The following CBR4 variants were observed in gnomAD, a reference collection of about 807,000 sequenced individuals.
The protein encoded by CBR4 is carbonyl reductase 4.
Under a neutral mutation model 21.0 loss-of-function variants are expected in CBR4, and 22 were observed. That is an observed-to-expected ratio of 1.05 (90% CI 0.75 to 1.50). CBR4 has a LOEUF of 1.50. Among genes scored for constraint, CBR4 ranks in the 40% most tolerant of loss-of-function variants. The probability of loss-of-function intolerance (pLI) is 0.00; values close to 1 mark genes in which losing one functional copy is unlikely to be tolerated. For synonymous variants in CBR4, 100 were observed against 104.4 expected (o/e 0.96, Z 0.26); for missense variants, 302 against 286.3 (o/e 1.05, Z -0.40).
At chr4:168,946,071 TCCTATA>T (rs1763389208) in intron 2 of CBR4, among the ~76,000 whole-genome samples, 1 of 152,196 alleles carries the variant, frequency 6.6e-6, no homozygotes, top group Non-Finnish European at 1.5e-5. Flanking sequence ...TCTCATCCTC[TCCTATA>T]CCTTGCATAG....
intron 2 of CBR4, among the ~76,000 whole-genome samples, chr4:168,939,015 T>C (rs559225680): frequency 6.6e-6 from 1 of 152,128 alleles, no homozygotes; most frequent in African/African-American, 2.4e-5. Flanking sequence ...TTCAGGCCGA[T>C]ATCCCTGATG....
At position 168,898,509 on chromosome 4, in the gene CBR4, G is replaced by C. The variant is rs763802548; in HGVS notation, n.170-3744C>G. 1.4e-5 allele frequency: 22 copies of C among 1,611,480 alleles called. No homozygotes were observed. In the East Asian group the frequency reaches 4.7e-4, roughly 34 times the overall value. ...TTGATTCAGGAATACAAAGTCTCCA[G>C]CTGTGAACAGAGACTCATCAGTGAA... On this transcript the variant is annotated intron_variant and non_coding_transcript_variant, in intron 2 of 3. Transcript: ENST00000509108.
In CBR4 at chr4:168,991,788, T is replaced by G. The variant is rs544638529; in HGVS notation, c.536-1460A>C. ...TGGGTTTTTAAAAAGAAAGCAATAT[T>G]AATCCTCATGAAAAGAATAGAAAAA... On this transcript the variant is annotated intron_variant, in intron 4 of 4. Transcript: ENST00000306193. Among the ~76,000 whole-genome samples the G allele has an allele frequency of 2.6e-5, 4 of 152,246 alleles. No individual in the cohort carries two copies. In the South Asian group the frequency reaches 6.2e-4, roughly 24 times the overall value.
intron 2 of CBR4, among the ~76,000 whole-genome samples, chr4:168,929,681 T>C (rs1245057893): frequency 6.6e-6 from 1 of 152,168 alleles, no homozygotes; most frequent in Non-Finnish European, 1.5e-5. Context: ...CCTAGCTCTT[T>C]TGATCATGTG....
intron 2 of CBR4, among the ~76,000 whole-genome samples, chr4:168,978,947 TAA>T (rs1395721697): frequency 6.6e-6 from 1 of 150,452 alleles, no homozygotes; most frequent in East Asian, 2.0e-4. Context: ...CTCCCAGGAG[TAA>T]AAGACAGGCC....
chr4:169,003,742 T>C (rs1391887443), intron 3 of CBR4, among the ~76,000 whole-genome samples: 1 of 152,160 alleles, frequency 6.6e-6, no homozygotes, highest in Non-Finnish European at 1.5e-5. Context: ...ATGTGGCACA[T>C]ATACACCATG....
chr4:168,977,021 T>C (rs904995581), intron 2 of CBR4, among the ~76,000 whole-genome samples: 3 of 152,268 alleles, frequency 2.0e-5, no homozygotes, highest in Admixed American at 1.3e-4. Context: ...TCACAGTTTT[T>C]TGCTGTCTCA....
At chr4:168,925,907 G>A (rs1762495281) in intron 2 of CBR4, among the ~76,000 whole-genome samples, 1 of 152,002 alleles carries the variant, frequency 6.6e-6, no homozygotes, top group South Asian at 2.1e-4. Flanking sequence ...GAGGGGGGAT[G>A]AGAATTAGGA....
At chr4:168,905,793 T>TTTTTC (rs1553974473) in intron 2 of CBR4, among the ~76,000 whole-genome samples, 1 of 106,130 alleles carries the variant, frequency 9.4e-6, no homozygotes, top group Non-Finnish European at 1.9e-5. Context: ...TTTTTTTCTT[T>TTTTTC]TTTTTTTTTT....
At position 168,915,996 on chromosome 4, in the gene CBR4, A is replaced by G; in HGVS notation, n.170-21231T>C. 3.7e-6 allele frequency: 6 copies of G among 1,614,010 alleles called. No individual in the cohort carries two copies. The highest frequency in any genetic ancestry group is 4.5e-5 in the East Asian group (2 of 44,878). ...CAGGCTCCTGGAGATCTGACTGTTC[A>G]AGAAGGAAAACTCTGCAGAATGGAC... is the stretch of plus-strand genomic sequence containing the variant. On this transcript the variant is annotated intron_variant and non_coding_transcript_variant, in intron 2 of 3. Coordinates refer to the CBR4 transcript ENST00000509108.
chr4:168,981,158 G>C (rs1764534184), intron 2 of CBR4, among the ~76,000 whole-genome samples: 1 of 152,158 alleles, frequency 6.6e-6, no homozygotes, highest in Admixed American at 6.5e-5. Context: ...CCAGCACTTT[G>C]GGAGGCCGAG....
chr4:168,969,217 T>A (rs1578956043), intron 2 of CBR4, among the ~76,000 whole-genome samples: 1 of 152,206 alleles, frequency 6.6e-6, no homozygotes, highest in Non-Finnish European at 1.5e-5. Flanking sequence ...CTGCTCTGTG[T>A]ACATTTGCTG....
intron 2 of CBR4, among the ~76,000 whole-genome samples, chr4:168,974,976 G>T (rs1307526608): frequency 3.3e-5 from 5 of 152,120 alleles, no homozygotes; most frequent in African/African-American, 1.2e-4. Context: ...TGCTATTAAA[G>T]AATCTTGTTT....
At chr4:169,009,914 C>T (rs1731268131) in intron 1 of CBR4, 34 bp downstream of exon 1, 1 of 1,590,222 alleles carries the variant, frequency 6.3e-7, no homozygotes, top group Non-Finnish European at 8.6e-7. Context: ...TGGACCGCGG[C>T]CATACAACTG....
intron 2 of CBR4, among the ~76,000 whole-genome samples, chr4:168,910,530 A>G (rs1420878639): frequency 6.6e-6 from 1 of 152,244 alleles, no homozygotes; most frequent in Non-Finnish European, 1.5e-5. Context: ...GGATGCCTCA[A>G]AACTGGTTAT....
rs1369630596 is a variant in CBR4, at chr4:168,989,713, T to C, written c.*437A>G. ...ATTTTTCCACTTTTGAGACAAAATA[T>C]ATAAATCAATACTTGTTTATATGAC... On this transcript the variant is annotated 3_prime_UTR_variant, in exon 5 of 5. Transcript: ENST00000306193. 3 of 980,760 alleles carry C rather than the reference T, an allele frequency of 3.1e-6. No homozygotes were observed. The highest frequency in any genetic ancestry group is 3.5e-5 in the African/African-American group (2 of 57,290). The allele number at this position is 980,760 out of a possible 1,614,324, so 60.8% of individuals were successfully genotyped here. A position where few individuals can be genotyped will look rare whatever the true frequency, so the allele number is the denominator to read the frequency against.
intron 2 of CBR4, among the ~76,000 whole-genome samples, chr4:168,949,788 C>T (rs968005427): frequency 3.3e-5 from 5 of 151,940 alleles, no homozygotes; most frequent in East Asian, 3.9e-4. Flanking sequence ...ATTTTAATCT[C>T]GCTGCTTGTT....
chr4:168,922,888 C>T (rs1761855905), intron 2 of CBR4, among the ~76,000 whole-genome samples: 1 of 152,194 alleles, frequency 6.6e-6, no homozygotes, highest in African/African-American at 2.4e-5. Context: ...TAATTGGAAG[C>T]AAAGTCTTTG....
At chr4:169,001,919 ATTTT>A (rs748041039) in intron 4 of CBR4, 148 bp downstream of exon 4, 3 of 688,466 alleles carry the variant, frequency 4.4e-6, no homozygotes, top group Non-Finnish European at 6.6e-6. Flanking sequence ...GGTACAAAAA[ATTTT>A]TTTGAGTCCC....
Sources: gnomAD v4.1 joint callset for allele counts (sites outside exome capture counted in the v4.1 genomes callset) on GRCh38, gnomAD v4.1.1 for gene constraint, MANE v1.5 for transcripts, NCBI Gene and HGNC (gene_info 2026-07-23, HGNC 2026-07-21) for gene names.